HAPLN2: variants seen among roughly 807,000 people sequenced by gnomAD.
The protein encoded by HAPLN2 is brain link protein-1.
In HAPLN2, 27 loss-of-function variants were observed where a neutral mutation model predicts 29.3. The observed-to-expected ratio is 0.92, with a 90% CI of 0.68 to 1.27. The LOEUF (loss-of-function observed/expected upper bound fraction) is 1.27, where lower values mean the gene tolerates loss of function less well. Ranked by LOEUF, HAPLN2 falls within the 50% of genes most tolerant of loss-of-function variation. The probability of loss-of-function intolerance (pLI) is 0.00; values close to 1 mark genes in which losing one functional copy is unlikely to be tolerated. For synonymous variants in HAPLN2, 208 were observed against 211.7 expected (o/e 0.98, Z 0.15); for missense variants, 454 against 484.3 (o/e 0.94, Z 0.59).
upstream of HAPLN2, among the ~76,000 whole-genome samples, chr1:156,617,591 C>T (rs1440431875): frequency 3.3e-5 from 5 of 151,412 alleles, no homozygotes; most frequent in Admixed American, 6.6e-5. Context: ...TCAGGTGATC[C>T]GCCCACTTCG....
At chr1:156,603,346 C>A in the HAPLN2 span, among the ~76,000 whole-genome samples, 1 of 151,832 alleles carries the variant, frequency 6.6e-6, no homozygotes, top group South Asian at 2.1e-4. Flanking sequence ...TGTGCCGGGG[C>A]AAACTTGAGT....
chr1:156,620,317 G>A (rs1166495505), intron 2 of HAPLN2, among the ~76,000 whole-genome samples, 159 bp downstream of exon 2: 1 of 152,180 alleles, frequency 6.6e-6, no homozygotes, highest in Non-Finnish European at 1.5e-5. Context: ...CCTCTTACTA[G>A]CTGTGTGACC....
rs148744711 is a variant in HAPLN2 at position 156,624,466 on chromosome 1, G to A, written c.555G>A (p.Gln185=). 4.6e-4 allele frequency: 740 copies of A among 1,612,708 alleles called. 5 individuals are homozygous for A. The highest frequency in any genetic ancestry group is 3.6e-3 in the Middle Eastern group (22 of 6,056). The change falls in exon 5 of 7, where the codon CAG becomes CAA. Residue 185 remains glutamine, a splice_region_variant and synonymous_variant. Coordinates refer to ENST00000255039, the MANE Select transcript of HAPLN2 (RefSeq NM_021817.3). The part of the protein sequence containing the change: ...GRLATYSQLY[Q]AWTEGLDWCN... ...TGGCCACCTACTCCCAGCTCTACCA[G>A]GGTGAGCGGCCGAACCCAGCACTTC... is the stretch of plus-strand genomic sequence containing the variant.
At chr1:156,607,479 CA>C in the HAPLN2 span, among the ~76,000 whole-genome samples, 7 of 144,094 alleles carry the variant, frequency 4.9e-5, no homozygotes, top group Non-Finnish European at 3.1e-5. Flanking sequence ...GACTCTGTCT[CA>C]AAAAAAAAAG....
the HAPLN2 span, among the ~76,000 whole-genome samples, chr1:156,603,827 T>TG: frequency 4.6e-5 from 7 of 152,178 alleles, no homozygotes; most frequent in Admixed American, 2.0e-4. Context: ...CACGATCTTG[T>TG]GGGGGTTTAA....
intron 2 of HAPLN2, among the ~76,000 whole-genome samples, chr1:156,622,593 G>A (rs2102529016): frequency 6.6e-6 from 1 of 152,224 alleles, no homozygotes; most frequent in South Asian, 2.1e-4. Flanking sequence ...TGCAAACTTG[G>A]ACTGTGTGGG....
At chr1:156,601,578 C>A in the HAPLN2 span, 1 of 976,954 alleles carries the variant, frequency 1.0e-6, no homozygotes, top group Non-Finnish European at 1.5e-6. Flanking sequence ...CCCAATTTGC[C>A]GGTATGGTTG....
rs535178838 is a variant in HAPLN2, at chr1:156,625,449, C to T, written c.*65C>T. 5 of 1,452,822 alleles carry T rather than the reference C, an allele frequency of 3.4e-6. No individual in the cohort carries two copies. The East Asian group carries it at 7.7e-5, about 23-fold the overall frequency. The allele number at this position is 1,452,822 out of a possible 1,614,324, so 90.0% of individuals were successfully genotyped here. ...GGGAGTCGTGGCGGGGGTCTCTCGCCACCCCTTTCCGGAGAGCCTCCCCTC... is the reference window on the plus strand; with the variant it reads ...GGGAGTCGTGGCGGGGGTCTCTCGCTACCCCTTTCCGGAGAGCCTCCCCTC... On this transcript the variant is annotated 3_prime_UTR_variant, in exon 7 of 7. Transcript: ENST00000255039. The surrounding 1 kb of genome is among the most constrained non-coding windows in gnomAD (Gnocchi z 5.7).
At position 156,625,411 on chromosome 1, in the gene HAPLN2, C is replaced by A. The variant is rs781288464; in HGVS notation, c.*27C>A. 71 of 1,549,646 alleles carry A rather than the reference C, an allele frequency of 4.6e-5. No individual in the cohort carries two copies. Among genetic ancestry groups the A allele is most frequent in the Non-Finnish European group, 6.0e-5 (69 of 1,147,534 alleles). The stretch of plus-strand genomic sequence containing the variant: ...CGCCCACCGTGTCCCCTCCAGCGCG[C>A]GCGAAGAAGCTTGGGAGTCGTGGCG... On this transcript the variant is annotated 3_prime_UTR_variant, in exon 7 of 7. Coordinates refer to ENST00000255039, the MANE Select transcript of HAPLN2 (RefSeq NM_021817.3). This position sits in a 1 kb window ranked among gnomAD's most constrained non-coding sequence, Gnocchi z 5.7.
chr1:156,614,319 G>A, the HAPLN2 span, among the ~76,000 whole-genome samples: 1 of 151,740 alleles, frequency 6.6e-6, no homozygotes, highest in African/African-American at 2.4e-5. Flanking sequence ...CCGTCTCCCT[G>A]GTTCAAGCGA....
At chr1:156,624,235 C>T in intron 4 of HAPLN2, 75 bp downstream of exon 4, 1 of 1,518,958 alleles carries the variant, frequency 6.6e-7, no homozygotes, top group Admixed American at 2.0e-5. Context: ...AGGGCTCCTT[C>T]CCAGTATCTC....
At chr1:156,613,838 T>A in the HAPLN2 span, among the ~76,000 whole-genome samples, 1 of 144,072 alleles carries the variant, frequency 6.9e-6, no homozygotes, top group East Asian at 2.1e-4. Context: ...AATCACTTGA[T>A]CCCAGGAAGC....
At chr1:156,624,917 G>T (rs992903575) in intron 6 of HAPLN2, 134 bp downstream of exon 6, 3 of 294,138 alleles carry the variant, frequency 1.0e-5, no homozygotes, top group Non-Finnish European at 1.4e-5. Flanking sequence ...CAGCCCGCCC[G>T]CCCGCCCAGG....
chr1:156,607,980 A>G, the HAPLN2 span, among the ~76,000 whole-genome samples: 2 of 152,210 alleles, frequency 1.3e-5, no homozygotes, highest in African/African-American at 4.8e-5. Flanking sequence ...ACAGGATTCA[A>G]TCCTTAGCCT....
chr1:156,616,683 CAG>C (rs1458206238), upstream of HAPLN2, among the ~76,000 whole-genome samples: 3 of 152,148 alleles, frequency 2.0e-5, no homozygotes, highest in South Asian at 2.1e-4. Context: ...TCCAAGGAGA[CAG>C]GGGGCTATTT....
chr1:156,624,522 G>A, intron 5 of HAPLN2, 55 bp downstream of exon 5: 2 of 1,603,692 alleles, frequency 1.2e-6, no homozygotes, highest in African/African-American at 1.3e-5. Context: ...TCAGGGGCCC[G>A]AGAGAGGGCG....
At chr1:156,610,818 G>A in the HAPLN2 span, among the ~76,000 whole-genome samples, 1 of 152,154 alleles carries the variant, frequency 6.6e-6, no homozygotes, top group Non-Finnish European at 1.5e-5. Context: ...CCTGGGGGCG[G>A]TGAGAAGAAA....
In HAPLN2 at chr1:156,623,867, G is replaced by A; in HGVS notation, c.146G>A (p.Arg49His). The change falls in exon 4 of 7, where the codon CGT becomes CAT. Residue 49 changes from arginine to histidine, a missense_variant. Transcript: ENST00000255039. Reference sequence around the variant, plus strand: ...ATCCACGAGGTCATTCACTCTCATCGTGGGGCCACGGCCACGCTGCCCTGC... The same window carrying A: ...ATCCACGAGGTCATTCACTCTCATCATGGGGCCACGGCCACGCTGCCCTGC... ...PPIHEVIHSHRGATATLPCVL... is the reference protein window; with the variant it reads ...PPIHEVIHSHHGATATLPCVL... 3.2e-6 allele frequency: 5 copies of A among 1,563,522 alleles called. No homozygotes were observed. The highest frequency in any genetic ancestry group is 4.3e-6 in the Non-Finnish European group (5 of 1,155,492).
At chr1:156,604,806 T>C in the HAPLN2 span, among the ~76,000 whole-genome samples, 1 of 151,932 alleles carries the variant, frequency 6.6e-6, no homozygotes, top group Non-Finnish European at 1.5e-5. Context: ...AAGAGCTAAA[T>C]AAATGGAAAG....
Sources: gnomAD v4.1 joint callset for allele counts (sites outside exome capture counted in the v4.1 genomes callset) on GRCh38, gnomAD v4.1.1 for gene constraint, Gnocchi (gnomAD v3.1) non-coding constraint, MANE v1.5 for transcripts, NCBI Gene and HGNC (gene_info 2026-07-23, HGNC 2026-07-21) for gene names.